Variants in GGCT observed in about 807,000 individuals in gnomAD.
GGCT encodes gamma-glutamylcyclotransferase.
Under a neutral mutation model 22.1 loss-of-function variants are expected in GGCT, and 20 were observed. That is an observed-to-expected ratio of 0.91 (90% CI 0.64 to 1.32). GGCT has a LOEUF of 1.32. Ranked by LOEUF, GGCT falls within the 40% of genes most tolerant of loss-of-function variation. The pLI, the probability that GGCT is intolerant of heterozygous loss-of-function variation, is 0.00. For missense variants in GGCT, 209 were observed against 223.5 expected, an observed-to-expected ratio of 0.94 and a Z score of 0.41; for synonymous variants, 72 against 78.4, an observed-to-expected ratio of 0.92 and a Z score of 0.43.
chr7:30,500,048 T>C (rs1420078138), intron 2 of GGCT, among the ~76,000 whole-genome samples: 1 of 152,208 alleles, frequency 6.6e-6, no homozygotes, highest in Non-Finnish European at 1.5e-5. Context: ...TATGAAATGC[T>C]CTGCCACACA....
At position 30,496,664 on chromosome 7, in the gene GGCT, CT is replaced by C. The variant is rs1342283482; in HGVS notation, c.*427del. On this transcript the variant is annotated 3_prime_UTR_variant, in exon 4 of 4. Transcript: ENST00000275428. ...TATTCCTCTAAAAACAGTATACCATCTTTCCAATTTTCAAAATGTTATTATC... is the reference window on the plus strand; with the variant it reads ...TATTCCTCTAAAAACAGTATACCATCTTCCAATTTTCAAAATGTTATTATC... 5 of 153,032 alleles carry C rather than the reference CT, an allele frequency of 3.3e-5. No individual in the cohort carries two copies. Among genetic ancestry groups the C allele is most frequent in the African/African-American group, 1.2e-4 (5 of 41,462 alleles). The allele number at this position is 153,032 out of a possible 1,614,324, so 9.5% of individuals were successfully genotyped here.
chr7:30,498,070 T>G (rs376756036), intron 3 of GGCT, among the ~76,000 whole-genome samples: 1 of 146,880 alleles, frequency 6.8e-6, no homozygotes, highest in African/African-American at 2.5e-5. Flanking sequence ...TATATATATA[T>G]AGAAAGAGAA....
chr7:30,503,139 C>T (rs1184458461), intron 1 of GGCT, among the ~76,000 whole-genome samples: 1 of 152,222 alleles, frequency 6.6e-6, no homozygotes, highest in Non-Finnish European at 1.5e-5. Context: ...TTAAAAGTCA[C>T]ATTTTCAGGC....
In GGCT at chr7:30,497,309, C is replaced by G. The variant is rs550585284; in HGVS notation, c.424-74G>C. ...TATAATTTAACGTACCATACCACAG[C>G]TTTATTTGCCTTCTCAAAGTATGAA... On this transcript the variant is annotated intron_variant, in intron 3 of 3. Coordinates refer to ENST00000275428, the MANE Select transcript of GGCT (RefSeq NM_024051.4). The G allele has an allele frequency of 6.5e-5, 67 of 1,036,526 alleles. No individual in the cohort carries two copies. In the South Asian group the frequency reaches 1.0e-3, roughly 16 times the overall value. 64.2% of individuals were successfully genotyped at this position (1,036,526 alleles called of 1,614,324 possible). A position where few individuals can be genotyped will look rare whatever the true frequency, so the allele number is the denominator to read the frequency against.
rs1789799955 is a variant in GGCT, at chr7:30,504,805, C to CG, written c.-97dup. Reference sequence around the variant, plus strand: ...CCCACTACCCCGGCGCAGTGACCGCCGCGCGGCAGCCTCAGGGTTAGGGGA... The same window carrying CG: ...CCCACTACCCCGGCGCAGTGACCGCCGGCGCGGCAGCCTCAGGGTTAGGGGA... On this transcript the variant is annotated 5_prime_UTR_variant, in exon 1 of 4. Transcript: ENST00000275428. The CG allele has an allele frequency of 1.6e-6, 2 of 1,273,204 alleles. No individual in the cohort carries two copies. The highest frequency in any genetic ancestry group is 2.3e-6 in the Non-Finnish European group (2 of 886,960). 78.9% of individuals were successfully genotyped at this position (1,273,204 alleles called of 1,614,324 possible). A position where few individuals can be genotyped will look rare whatever the true frequency, so the allele number is the denominator to read the frequency against.
intron 1 of GGCT, 115 bp downstream of exon 1, chr7:30,504,454 A>C: frequency 8.1e-7 from 1 of 1,227,124 alleles, no homozygotes; most frequent in South Asian, 1.4e-5. Flanking sequence ...GCCGCGTCCT[A>C]GTACCCTCAT....
chr7:30,504,626 T>C lies in GGCT; in HGVS notation c.84A>G (p.Thr28=), dbSNP rs372620093. 72 of 1,614,030 alleles carry C rather than the reference T, an allele frequency of 4.5e-5. 1 individual carries two copies. The highest frequency in any genetic ancestry group is 5.7e-5 in the Non-Finnish European group (67 of 1,179,988). ...LYFAYGSNLL[T]ERIHLRNPSA... ...AGGGGTTTCGGAGGTGGATCCTCTC[T>C]GTCAGCAGGTTGCTGCCGTAGGCAA... Residue 28 remains threonine, a synonymous_variant, in exon 1 of 4, where the codon ACA becomes ACG. Transcript: ENST00000275428.
intron 3 of GGCT, chr7:30,497,896 C>T (rs1452604309): frequency 1.4e-6 from 2 of 1,398,862 alleles, no homozygotes; most frequent in Non-Finnish European, 1.9e-6. Flanking sequence ...TCTTTCTCCA[C>T]CTAGGGATGA....
intron 2 of GGCT, 109 bp downstream of exon 2, chr7:30,500,427 T>G: frequency 1.3e-6 from 1 of 768,920 alleles, no homozygotes; most frequent in East Asian, 2.5e-5. Context: ...GTATAATGAA[T>G]ATGTCTGTAG....
intron 1 of GGCT, among the ~76,000 whole-genome samples, chr7:30,502,640 C>T (rs767717856): frequency 1.6e-4 from 24 of 152,192 alleles, no homozygotes; most frequent in Admixed American, 3.9e-4. Flanking sequence ...CTTTTCTCTG[C>T]AAACATCACC....
intron 2 of GGCT, among the ~76,000 whole-genome samples, chr7:30,499,595 C>G (rs1231950542): frequency 6.6e-6 from 1 of 151,678 alleles, no homozygotes; most frequent in Non-Finnish European, 1.5e-5. Context: ...GCCTGTAATC[C>G]CAGCTACTCG....
intron 2 of GGCT, 136 bp from the exon 3 acceptor site, chr7:30,499,074 G>T: frequency 1.2e-6 from 1 of 821,644 alleles, no homozygotes; most frequent in Non-Finnish European, 2.1e-6. Flanking sequence ...TGCTCCCTAT[G>T]TATTTGGGAT....
Position 30,504,702 on chromosome 7 carries a change from T to C in GGCT, c.8A>G (p.Asn3Ser). The C allele has an allele frequency of 6.2e-7, 1 of 1,614,086 alleles. No individual in the cohort carries two copies. Among genetic ancestry groups the C allele is most frequent in the African/African-American group, 1.3e-5 (1 of 75,050 alleles). ...ACCCGTGACGTCCTTGCAGCCCGAG[T>C]TGGCCATATCCCACTACGCCCCTGC... MA[N>S]SGCKDVTGPD... The change falls in exon 1 of 4, where the codon AAC becomes AGC. Residue 3 changes from asparagine to serine, a missense_variant. Transcript: ENST00000275428.
At chr7:30,499,550 A>AC (rs1789646205) in intron 2 of GGCT, among the ~76,000 whole-genome samples, 2 of 151,762 alleles carry the variant, frequency 1.3e-5, no homozygotes, top group African/African-American at 2.4e-5. Flanking sequence ...CTAAAAAAAA[A>AC]ACACACAAAA....
intron 1 of GGCT, 81 bp from the exon 2 acceptor site, chr7:30,500,762 G>T (rs1047867054): frequency 1.8e-6 from 2 of 1,129,182 alleles, no homozygotes; most frequent in Admixed American, 2.0e-5. Flanking sequence ...GATTTACCTT[G>T]AACTCCATGC....
chr7:30,503,609 CGTTT>C, intron 1 of GGCT, among the ~76,000 whole-genome samples: 1 of 152,176 alleles, frequency 6.6e-6, no homozygotes, highest in South Asian at 2.1e-4. Flanking sequence ...ACAGCATCCA[CGTTT>C]ACCAAGTTCA....
rs1263077437 is a variant in GGCT at position 30,500,699 on chromosome 7, G to A, written c.142-18C>T. ...TTAAAATCCTACAAAGGAAATCAAA[G>A]TGATATGATCAATATCCACTTGAAT... is the stretch of plus-strand genomic sequence containing the variant. On this transcript the variant is annotated intron_variant, in intron 1 of 3. Transcript: ENST00000275428. 1.2e-5 allele frequency: 19 copies of A among 1,610,264 alleles called. No homozygotes were observed. Among genetic ancestry groups the A allele is most frequent in the Non-Finnish European group, 1.5e-5 (18 of 1,177,456 alleles).
chr7:30,497,298 C>T, intron 3 of GGCT, 63 bp from the exon 4 acceptor site: 3 of 1,239,444 alleles, frequency 2.4e-6, no homozygotes, highest in Non-Finnish European at 3.4e-6. Context: ...ATTTAACGTA[C>T]CATACCACAG....
rs1789559588 is a variant in GGCT, at chr7:30,497,139, C to T, written c.520G>A (p.Glu174Lys). 6.2e-7 allele frequency: 1 copy of T among 1,608,398 alleles called. No individual in the cohort carries two copies. The highest frequency in any genetic ancestry group is 8.5e-7 in the Non-Finnish European group (1 of 1,175,630). ...TTTTTGATGATGTCTTCAATTTCTT[C>T]TGAGACCTTTCCTGTATAGTCATTT... ...EPNDYTGKVS[E>K]EIEDIIKKGE... is the part of the protein sequence containing the mutation. The change falls in exon 4 of 4, where the codon GAA (glutamate) becomes AAA (lysine). Residue 174 changes from glutamate to lysine, a missense_variant. By Grantham distance (56) the Glu-to-Lys change is moderately conservative. Transcript: ENST00000275428.
Sources: gnomAD v4.1 joint callset for allele counts (sites outside exome capture counted in the v4.1 genomes callset) on GRCh38, gnomAD v4.1.1 for gene constraint, MANE v1.5 for transcripts, NCBI Gene and HGNC (gene_info 2026-07-23, HGNC 2026-07-21) for gene names.